NAP1L4: variants seen among roughly 807,000 people sequenced by gnomAD.
NAP1L4 encodes nucleosome assembly protein 1 like 4.
NAP1L4 carries 15 observed loss-of-function variants against 58.2 expected under a neutral mutation model. The observed-to-expected ratio is 0.26, with a 90% confidence interval of 0.17 to 0.40. The LOEUF (loss-of-function observed/expected upper bound fraction) is 0.40, where lower values mean the gene tolerates loss of function less well. Among genes scored for constraint, NAP1L4 ranks in the 10% least tolerant of loss-of-function variants. The pLI, the probability that NAP1L4 is intolerant of heterozygous loss-of-function variation, is 1.00. For synonymous variants in NAP1L4, 171 were observed against 155.6 expected (o/e 1.10, Z -0.74); for missense variants, 384 against 451.1 (o/e 0.85, Z 1.35).
chr11:2,947,833 G>C (rs1487123154), intron 15 of NAP1L4, among the ~76,000 whole-genome samples: 1 of 152,218 alleles, frequency 6.6e-6, no homozygotes, highest in Non-Finnish European at 1.5e-5. Context: ...ACCTGAGAAA[G>C]GCAACAAAGA....
At chr11:2,984,288 A>G (rs1250464413) in intron 1 of NAP1L4, among the ~76,000 whole-genome samples, 4 of 148,886 alleles carry the variant, frequency 2.7e-5, no homozygotes, top group Admixed American at 1.3e-4. Flanking sequence ...ACCCTTTAAC[A>G]AAGGCCAGGT....
chr11:2,956,806 G>A lies in NAP1L4; in HGVS notation c.893-1040C>T, dbSNP rs188215813. Among the ~76,000 whole-genome samples, 5 of 152,298 alleles carry A rather than the reference G, an allele frequency of 3.3e-5. No individual in the cohort carries two copies. In the East Asian group the frequency reaches 7.7e-4, roughly 23 times the overall value. On this transcript the variant is annotated intron_variant, in intron 10 of 15. Transcript: ENST00000380542. Reference sequence around the variant, plus strand: ...TTGCAGTTTTAAGGACAAAGGAGCTGGACTCACTAGCTAATGCCTCCTTCA... The same window carrying A: ...TTGCAGTTTTAAGGACAAAGGAGCTAGACTCACTAGCTAATGCCTCCTTCA...
At chr11:2,952,841 G>C (rs1487552842) in intron 12 of NAP1L4, 1 of 152,264 alleles carries the variant, frequency 6.6e-6, no homozygotes, top group Non-Finnish European at 1.5e-5. Context: ...CACCCACCTG[G>C]GCAGAGCAGG....
In NAP1L4 at chr11:2,945,339, A is replaced by C; in HGVS notation, c.*340T>G. 1 of 398,170 alleles carries C rather than the reference A, an allele frequency of 2.5e-6. No individual in the cohort carries two copies. The highest frequency in any genetic ancestry group is 4.5e-6 in the Non-Finnish European group (1 of 221,562). 24.7% of individuals were successfully genotyped at this position (398,170 alleles called of 1,614,324 possible). ...GGTCTACAGGGCCCTCCCACAGGGA[A>C]AGGCCCAGGGAAGTCCAGAGCTACA... On this transcript the variant is annotated 3_prime_UTR_variant, in exon 16 of 16. Coordinates refer to ENST00000380542, the MANE Select transcript of NAP1L4 (RefSeq NM_005969.4).
intron 3 of NAP1L4, among the ~76,000 whole-genome samples, chr11:2,976,396 T>C (rs1020417086): frequency 3.3e-5 from 5 of 152,214 alleles, no homozygotes; most frequent in African/African-American, 1.2e-4. Context: ...ACTGTGGCTG[T>C]TTAAGCACCA....
rs1218929975 is a variant in NAP1L4 at position 2,955,583 on chromosome 11, C to G, written c.915+161G>C. Among the ~76,000 whole-genome samples, 1 of 152,024 alleles carries G rather than the reference C, an allele frequency of 6.6e-6. No homozygotes were observed. The highest frequency in any genetic ancestry group is 1.5e-5 in the Non-Finnish European group (1 of 68,000). The stretch of plus-strand genomic sequence containing the variant: ...CCCAGGCTGGTCTCAAACTCCTGGA[C>G]TCGTGCAGTCCTCCCACCTCAGCCT... On this transcript the variant is annotated intron_variant, in intron 11 of 15. Transcript: ENST00000380542. This position sits in a 1 kb window ranked among gnomAD's most constrained non-coding sequence, Gnocchi z 4.2.
intron 12 of NAP1L4, among the ~76,000 whole-genome samples, chr11:2,953,921 A>C (rs1356658111): frequency 2.6e-5 from 4 of 152,246 alleles, no homozygotes; most frequent in Non-Finnish European, 4.4e-5. Flanking sequence ...CAGATCAAGA[A>C]GACTTGAAGC....
intron 1 of NAP1L4, among the ~76,000 whole-genome samples, chr11:2,983,218 A>G (rs1281832129): frequency 6.6e-6 from 1 of 152,166 alleles, no homozygotes; most frequent in East Asian, 1.9e-4. Flanking sequence ...GGCATAATAA[A>G]TATCTGTTGA....
chr11:2,949,401 C>A lies in NAP1L4; in HGVS notation c.1123-137G>T. 1 of 717,202 alleles carries A rather than the reference C, an allele frequency of 1.4e-6. No homozygotes were observed. The highest frequency in any genetic ancestry group is 2.5e-6 in the Non-Finnish European group (1 of 394,442). 44.4% of individuals were successfully genotyped at this position (717,202 alleles called of 1,614,324 possible). Reference sequence around the variant, plus strand: ...ATACTGAACTCGGGGTGAACAACTTCAACACTAGATCATACTTTCAAAATG... The same window carrying A: ...ATACTGAACTCGGGGTGAACAACTTAAACACTAGATCATACTTTCAAAATG... On this transcript the variant is annotated intron_variant, in intron 14 of 15. Transcript: ENST00000380542. The surrounding 1 kb of genome is among the most constrained non-coding windows in gnomAD (Gnocchi z 4.0).
chr11:2,973,917 A>G (rs11824998), intron 4 of NAP1L4, among the ~76,000 whole-genome samples: 2,394 of 152,196 alleles, frequency 0.016, 69 homozygotes, highest in African/African-American at 0.055. Flanking sequence ...ACAGGGGCAC[A>G]TCACCATGCC....
At position 2,955,718 on chromosome 11, in the gene NAP1L4, A is replaced by G. The variant is rs369275623; in HGVS notation, c.915+26T>C. On this transcript the variant is annotated intron_variant, in intron 11 of 15. Transcript: ENST00000380542. This position sits in a 1 kb window ranked among gnomAD's most constrained non-coding sequence, Gnocchi z 4.2. ...ACTCAGGAGAGACTTCAACAGGAAA[A>G]TAAGACTATTAACAACAAATCTTAC... 5.4e-5 allele frequency: 87 copies of G among 1,608,012 alleles called. No homozygotes were observed. Among genetic ancestry groups the G allele is most frequent in the Non-Finnish European group, 7.0e-5 (82 of 1,175,600 alleles).
chr11:2,965,870 T>A (rs1406846092), intron 7 of NAP1L4, among the ~76,000 whole-genome samples: 2 of 152,204 alleles, frequency 1.3e-5, no homozygotes, highest in Non-Finnish European at 2.9e-5. Flanking sequence ...ACAGAGCGTG[T>A]CTGAGATCCA....
intron 7 of NAP1L4, among the ~76,000 whole-genome samples, chr11:2,966,693 C>T (rs1469252935): frequency 6.6e-6 from 1 of 152,194 alleles, no homozygotes; most frequent in Non-Finnish European, 1.5e-5. Context: ...GTTCAGTCTC[C>T]AATGCTGCGC....
In NAP1L4 at chr11:2,976,050, A is replaced by T; in HGVS notation, c.147T>A (p.Pro49=). 6.2e-7 allele frequency: 1 copy of T among 1,613,992 alleles called. No homozygotes were observed. The highest frequency in any genetic ancestry group is 8.5e-7 in the Non-Finnish European group (1 of 1,179,938). The change falls in exon 4 of 16, where the codon CCT becomes CCA. Residue 49 remains proline (P), a synonymous_variant. Coordinates refer to ENST00000380542, the MANE Select transcript of NAP1L4 (RefSeq NM_005969.4). ...AALQERLDNV[P]HTPSSYIETL... The stretch of plus-strand genomic sequence containing the variant: ...TTTCGATGTAGCTGGAAGGGGTGTG[A>T]GGGACATTGTCAAGTCGCTCCTGTA...
intron 14 of NAP1L4, among the ~76,000 whole-genome samples, chr11:2,950,555 G>A (rs184065017): frequency 9.0e-4 from 137 of 152,314 alleles, no homozygotes; most frequent in African/African-American, 3.2e-3. Context: ...AGAGGCAAGT[G>A]AACTACACAT....
intron 15 of NAP1L4, 74 bp from the exon 16 acceptor site, chr11:2,945,720 A>G: frequency 1.6e-6 from 2 of 1,276,168 alleles, no homozygotes; most frequent in Non-Finnish European, 2.2e-6. Flanking sequence ...ATCAACAATG[A>G]AAGCCAAGAC....
chr11:2,946,028 C>T lies in NAP1L4; in HGVS notation c.*33-382G>A, dbSNP rs1222745437. Among the ~76,000 whole-genome samples the T allele has an allele frequency of 6.6e-6, 1 of 152,194 alleles. No individual in the cohort carries two copies. The highest frequency in any genetic ancestry group is 1.5e-5 in the Non-Finnish European group (1 of 68,020). Reference sequence around the variant, plus strand: ...CGGGCAGCTCCATCCAGGAAGGCCACCGCGGAGGCAACCCCTCTTGGTGCC... The same window carrying T: ...CGGGCAGCTCCATCCAGGAAGGCCATCGCGGAGGCAACCCCTCTTGGTGCC... On this transcript the variant is annotated intron_variant, in intron 15 of 15. Coordinates refer to ENST00000380542, the MANE Select transcript of NAP1L4 (RefSeq NM_005969.4). This position sits in a 1 kb window ranked among gnomAD's most constrained non-coding sequence, Gnocchi z 4.8.
Position 2,948,867 on chromosome 11 carries a change from AGT to A in NAP1L4, c.*32+358_*32+359del, listed in dbSNP as rs1314650582. Among the ~76,000 whole-genome samples, 1 of 152,238 alleles carries A rather than the reference AGT, an allele frequency of 6.6e-6. No individual in the cohort carries two copies. Among genetic ancestry groups the A allele is most frequent in the Non-Finnish European group, 1.5e-5 (1 of 68,038 alleles). On this transcript the variant is annotated intron_variant, in intron 15 of 15. Transcript: ENST00000380542. This position sits in a 1 kb window ranked among gnomAD's most constrained non-coding sequence, Gnocchi z 5.1. Reference sequence around the variant, plus strand: ...GTTCTGAGCACAGCTGGGACAGCCCAGTGTGTTATGCTCTCTGCAAGGACTGC... The same window carrying A: ...GTTCTGAGCACAGCTGGGACAGCCCAGTGTTATGCTCTCTGCAAGGACTGC...
chr11:2,958,186 G>A (rs1238862822), intron 10 of NAP1L4: 2 of 693,130 alleles, frequency 2.9e-6, no homozygotes, highest in Admixed American at 4.0e-5. Flanking sequence ...TGCAGAAGAT[G>A]ACAATCCTAC....
Sources: allele counts gnomAD v4.1 joint callset (sites outside exome capture counted in the v4.1 genomes callset), GRCh38; gene constraint gnomAD v4.1.1; non-coding constraint Gnocchi (gnomAD v3.1); transcripts MANE v1.5; gene names NCBI Gene and HGNC (gene_info 2026-07-23, HGNC 2026-07-21).